Variants in DPP10 observed in about 807,000 individuals in gnomAD.
The protein encoded by DPP10 is dipeptidyl peptidase like 10, also known as inactive dipeptidyl peptidase 10.
A neutral mutation model predicts 120.9 loss-of-function variants in DPP10; 33 were observed. That is an observed-to-expected ratio of 0.27 (90% CI 0.21 to 0.37). The LOEUF is 0.37. Among genes scored for constraint, DPP10 ranks in the 10% least tolerant of loss-of-function variants. The pLI, the probability that DPP10 is intolerant of heterozygous loss-of-function variation, is 1.00. For synonymous variants in DPP10, 337 were observed against 326.1 expected, an observed-to-expected ratio of 1.03 and a Z score of -0.36; for missense variants, 816 against 942.8, an observed-to-expected ratio of 0.87 and a Z score of 1.76.
At position 115,845,066 on chromosome 2, in the gene DPP10, T is replaced by C. The variant is rs1690506944; in HGVS notation, c.*2721T>C. The C allele has an allele frequency of 6.6e-6, 1 of 152,204 alleles. No individual in the cohort carries two copies. Among genetic ancestry groups the C allele is most frequent in the Non-Finnish European group, 1.5e-5 (1 of 68,034 alleles). 9.4% of individuals were successfully genotyped at this position (152,204 alleles called of 1,614,324 possible). The stretch of plus-strand genomic sequence containing the variant: ...ATCTTACAGATGTCTGTTGTAGATC[T>C]ATTACAATGAGGTGACTTAGACATT... On this transcript the variant is annotated 3_prime_UTR_variant, in exon 26 of 26. Transcript: ENST00000410059.
intron 1 of DPP10, among the ~76,000 whole-genome samples, chr2:114,550,226 C>T (rs980722000): frequency 2.0e-5 from 3 of 152,160 alleles, no homozygotes; most frequent in African/African-American, 7.2e-5. Context: ...ACACCATTCT[C>T]AAGACAAATC....
At chr2:115,430,889 T>G (rs2070914915) in intron 3 of DPP10, among the ~76,000 whole-genome samples, 1 of 152,176 alleles carries the variant, frequency 6.6e-6, no homozygotes, top group Non-Finnish European at 1.5e-5. Context: ...ACTTCTTTTT[T>G]TCTTGGAGAG....
chr2:114,539,676 C>T (rs559622399), intron 1 of DPP10, among the ~76,000 whole-genome samples: 359 of 152,188 alleles, frequency 2.4e-3, no homozygotes, highest in African/African-American at 8.0e-3. Context: ...ATTTTGTTCT[C>T]CATTATAGAT....
chr2:115,143,124 C>A (rs2051021218), intron 1 of DPP10, among the ~76,000 whole-genome samples: 1 of 152,254 alleles, frequency 6.6e-6, no homozygotes, highest in Non-Finnish European at 1.5e-5. Context: ...GATTCACATG[C>A]CTTGGGATAT....
At chr2:115,170,835 T>C (rs2053263584) in intron 1 of DPP10, among the ~76,000 whole-genome samples, 1 of 152,176 alleles carries the variant, frequency 6.6e-6, no homozygotes, top group South Asian at 2.1e-4. Context: ...TTATAATTGC[T>C]CCAAAATGAG....
chr2:114,843,782 C>T (rs1272631930), intron 1 of DPP10, among the ~76,000 whole-genome samples: 1 of 152,108 alleles, frequency 6.6e-6, no homozygotes, highest in African/African-American at 2.4e-5. Context: ...TTATTCCTTT[C>T]CCTGCCGAGG....
chr2:115,438,340 A>C (rs563116640), intron 3 of DPP10, among the ~76,000 whole-genome samples: 230 of 152,278 alleles, frequency 1.5e-3, no homozygotes, highest in African/African-American at 5.3e-3. Flanking sequence ...TTTGCATAGA[A>C]TAACTACATG....
chr2:115,018,443 C>A (rs1025762636), intron 1 of DPP10, among the ~76,000 whole-genome samples: 2 of 152,146 alleles, frequency 1.3e-5, no homozygotes, highest in Non-Finnish European at 2.9e-5. Flanking sequence ...CAATAGCAGA[C>A]TTGGAACCAA....
intron 1 of DPP10, among the ~76,000 whole-genome samples, chr2:114,458,904 T>C (rs1263805900): frequency 1.3e-5 from 2 of 152,170 alleles, no homozygotes; most frequent in Non-Finnish European, 2.9e-5. Flanking sequence ...GGGAAATGTG[T>C]TATAATGAAT....
chr2:114,917,488 AGG>A (rs1256694724), intron 1 of DPP10, among the ~76,000 whole-genome samples: 1 of 152,196 alleles, frequency 6.6e-6, no homozygotes, highest in African/African-American at 2.4e-5. Flanking sequence ...AAACCAAAAA[AGG>A]AGCCTGAATA....
At chr2:115,207,361 A>G (rs1440470340) in intron 1 of DPP10, among the ~76,000 whole-genome samples, 12 of 140,760 alleles carry the variant, frequency 8.5e-5, no homozygotes, top group African/African-American at 3.2e-4. Context: ...TGTATTGTGA[A>G]CCGTTTATAA....
intron 1 of DPP10, among the ~76,000 whole-genome samples, chr2:114,623,259 T>G (rs1250368750): frequency 6.6e-6 from 1 of 152,070 alleles, no homozygotes. Flanking sequence ...AAAAGAAAGA[T>G]AAATATAATT....
chr2:115,585,172 A>G (rs1018056882), intron 5 of DPP10, among the ~76,000 whole-genome samples: 1 of 152,178 alleles, frequency 6.6e-6, no homozygotes, highest in Non-Finnish European at 1.5e-5. Context: ...TTGCTTGTCA[A>G]ATTCATTCAG....
rs186307219 is a variant in DPP10 at position 115,349,987 on chromosome 2, A to G, written c.271+6075A>G. Among the ~76,000 whole-genome samples, 623 of 152,136 alleles carry G rather than the reference A, an allele frequency of 4.1e-3. 2 individuals carry two copies. Among genetic ancestry groups the G allele is most frequent in the Admixed American group, 6.9e-3 (106 of 15,262 alleles). On this transcript the variant is annotated intron_variant, in intron 3 of 25. Coordinates refer to ENST00000410059, the MANE Select transcript of DPP10 (RefSeq NM_020868.6). ...GTTATTTTTTATAATCATCAACCAA[A>G]CTGATAGTTAAATAAAATAGAGTTG...
chr2:114,575,257 A>ACT (rs1409608245), intron 1 of DPP10, among the ~76,000 whole-genome samples: 1 of 152,138 alleles, frequency 6.6e-6, no homozygotes, highest in Non-Finnish European at 1.5e-5. Context: ...CTGGCATTAG[A>ACT]GGGGAAGGCT....
At chr2:115,397,898 T>A (rs1415378330) in intron 3 of DPP10, among the ~76,000 whole-genome samples, 1 of 152,246 alleles carries the variant, frequency 6.6e-6, no homozygotes, top group African/African-American at 2.4e-5. Context: ...TCCTTGTCTC[T>A]GTCCACATAA....
intron 1 of DPP10, among the ~76,000 whole-genome samples, chr2:114,814,216 G>T (rs1685430660): frequency 6.6e-6 from 1 of 152,132 alleles, no homozygotes; most frequent in East Asian, 1.9e-4. Flanking sequence ...GTTTGGAATG[G>T]TAGTAACTTC....
At chr2:114,521,560 AAC>A (rs1685054198) in intron 1 of DPP10, among the ~76,000 whole-genome samples, 1 of 152,132 alleles carries the variant, frequency 6.6e-6, no homozygotes, top group Non-Finnish European at 1.5e-5. Context: ...AGAAAAATAT[AAC>A]ACAGGAAAAT....
intron 1 of DPP10, among the ~76,000 whole-genome samples, chr2:115,306,199 T>C (rs1275366852): frequency 6.6e-6 from 1 of 152,096 alleles, no homozygotes; most frequent in Non-Finnish European, 1.5e-5. Flanking sequence ...TTAGGCACTT[T>C]TCTTTCCAGA....
Sources: gnomAD v4.1 joint callset for allele counts (sites outside exome capture counted in the v4.1 genomes callset) on GRCh38, gnomAD v4.1.1 for gene constraint, MANE v1.5 for transcripts, NCBI Gene and HGNC (gene_info 2026-07-23, HGNC 2026-07-21) for gene names.